ST7: variants seen among roughly 807,000 people sequenced by gnomAD.
ST7 encodes the protein suppressor of tumorigenicity 7 protein.
In ST7, 28 loss-of-function variants were observed where a neutral mutation model predicts 78.7. The observed-to-expected ratio is 0.36, with a 90% CI of 0.26 to 0.49. The LOEUF is 0.49. ST7 is among the 20% of genes least tolerant of loss of function. ST7 has a pLI of 0.99. For missense variants in ST7, 418 were observed against 696.0 expected (o/e 0.60, Z 4.49); for synonymous variants, 247 against 249.6 (o/e 0.99, Z 0.10).
At chr7:117,083,811 C>T (rs1224395534) in intron 1 of ST7, among the ~76,000 whole-genome samples, 1 of 151,916 alleles carries the variant, frequency 6.6e-6, no homozygotes, top group African/African-American at 2.4e-5. Context: ...AGAAGCTAGG[C>T]CAGGTGCAGA....
chr7:117,201,623 A>G (rs1392562491), intron 12 of ST7, among the ~76,000 whole-genome samples: 2 of 151,116 alleles, frequency 1.3e-5, no homozygotes, highest in Non-Finnish European at 2.9e-5. Flanking sequence ...CAGTGGTGCT[A>G]TCATGGCTCA....
chr7:117,100,131 A>C (rs909960050), intron 2 of ST7, among the ~76,000 whole-genome samples: 1 of 152,220 alleles, frequency 6.6e-6, no homozygotes, highest in Non-Finnish European at 1.5e-5. Context: ...GTCAAATTTT[A>C]CTATCTAAGA....
intron 1 of ST7, among the ~76,000 whole-genome samples, chr7:117,027,355 G>A (rs6963873): frequency 0.79 from 119,998 of 152,046 alleles, 50,400 homozygotes; most frequent in South Asian, 0.94. Flanking sequence ...AAGGAGAATC[G>A]CTTGAACCCA....
intron 10 of ST7, among the ~76,000 whole-genome samples, chr7:117,175,101 T>C (rs531526750): frequency 6.7e-4 from 102 of 152,358 alleles, no homozygotes; most frequent in African/African-American, 2.2e-3. Context: ...GAAACTGTCT[T>C]CCAAACATGG....
chr7:116,953,820 G>T (rs1195894201), intron 1 of ST7, 129 bp downstream of exon 1: 1 of 564,502 alleles, frequency 1.8e-6, no homozygotes, highest in African/African-American at 2.1e-5. Context: ...GGAGGCCCGC[G>T]GCTACCCGCC....
At chr7:117,213,248 T>A (rs2116078782) in intron 13 of ST7, among the ~76,000 whole-genome samples, 1 of 152,330 alleles carries the variant, frequency 6.6e-6, no homozygotes, top group Non-Finnish European at 1.5e-5. Context: ...CTCCTTTGAA[T>A]CATTTTTATC....
chr7:116,962,678 G>A (rs1488607476), intron 1 of ST7, among the ~76,000 whole-genome samples: 1 of 152,138 alleles, frequency 6.6e-6, no homozygotes, highest in Non-Finnish European at 1.5e-5. Flanking sequence ...TGTAGATTCT[G>A]GATATTAGAC....
intron 1 of ST7, among the ~76,000 whole-genome samples, chr7:117,051,649 C>T (rs926603673): frequency 1.3e-5 from 2 of 152,076 alleles, no homozygotes; most frequent in East Asian, 1.9e-4. Context: ...AGCAGGAGGC[C>T]GCTAGGAAGT....
chr7:117,034,476 A>G (rs1240425311), intron 1 of ST7, among the ~76,000 whole-genome samples: 4 of 152,220 alleles, frequency 2.6e-5, no homozygotes, highest in Non-Finnish European at 5.9e-5. Context: ...CTCACCTAAT[A>G]TTTAGTCTCA....
intron 12 of ST7, chr7:117,191,569 A>G (rs1809788126): frequency 6.6e-6 from 1 of 152,120 alleles, no homozygotes; most frequent in Non-Finnish European, 1.5e-5. Context: ...ATATTTCTGT[A>G]ATCTTTTATT....
chr7:117,211,762 A>C (rs369623445), intron 13 of ST7, among the ~76,000 whole-genome samples: 192 of 152,328 alleles, frequency 1.3e-3, no homozygotes, highest in African/African-American at 4.4e-3. Flanking sequence ...CCATGTGGTC[A>C]GATAACAGTG....
intron 9 of ST7, among the ~76,000 whole-genome samples, chr7:117,159,729 C>T (rs1806980225): frequency 6.6e-6 from 1 of 152,008 alleles, no homozygotes; most frequent in Admixed American, 6.6e-5. Flanking sequence ...AAAATGAAAA[C>T]TATTCACATA....
chr7:117,197,270 T>G (rs1810407595), intron 12 of ST7, among the ~76,000 whole-genome samples: 1 of 152,214 alleles, frequency 6.6e-6, no homozygotes, highest in Non-Finnish European at 1.5e-5. Flanking sequence ...TCCTTCTACC[T>G]TGTCCTCCCA....
chr7:117,029,720 A>C (rs1469770763), intron 1 of ST7, among the ~76,000 whole-genome samples: 1 of 148,298 alleles, frequency 6.7e-6, no homozygotes, highest in African/African-American at 2.5e-5. Flanking sequence ...TCTTTAGTAC[A>C]TTTTTGTTTG....
intron 1 of ST7, chr7:116,967,190 A>T: frequency 2.9e-6 from 1 of 348,736 alleles, no homozygotes; most frequent in Non-Finnish European, 6.4e-6. Context: ...ATGTTCTCCT[A>T]GATGTGTAGG....
At chr7:116,970,185 G>A (rs894515327) in intron 1 of ST7, among the ~76,000 whole-genome samples, 29 of 152,296 alleles carry the variant, frequency 1.9e-4, no homozygotes, top group African/African-American at 5.5e-4. Flanking sequence ...GGCTGCTGAC[G>A]TGGAGAGGGT....
At chr7:117,079,906 GA>G (rs948706657) in intron 1 of ST7, among the ~76,000 whole-genome samples, 8 of 115,544 alleles carry the variant, frequency 6.9e-5, no homozygotes, top group Non-Finnish European at 1.1e-4. Flanking sequence ...CTGTAGTGAA[GA>G]AAAAAAATCA....
At chr7:116,992,923 C>T (rs995770376) in intron 1 of ST7, among the ~76,000 whole-genome samples, 4 of 152,180 alleles carry the variant, frequency 2.6e-5, no homozygotes, top group African/African-American at 4.8e-5. Flanking sequence ...GGCAAAGTGC[C>T]GCCAGTCTCT....
chr7:117,166,352 GAACTT>G (rs1020688441), intron 9 of ST7, among the ~76,000 whole-genome samples: 2 of 151,748 alleles, frequency 1.3e-5, no homozygotes, highest in African/African-American at 4.8e-5. Flanking sequence ...AGTTTTTTGA[GAACTT>G]AACTTCTAAT....
Sources: gnomAD v4.1 joint callset for allele counts (sites outside exome capture counted in the v4.1 genomes callset) on GRCh38, gnomAD v4.1.1 for gene constraint, MANE v1.5 for transcripts, NCBI Gene and HGNC (gene_info 2026-07-23, HGNC 2026-07-21) for gene names.